The following TMPRSS15 variants were observed in gnomAD, a reference collection of about 807,000 sequenced individuals.
TMPRSS15 encodes the protein enteropeptidase.
TMPRSS15 carries 128 observed loss-of-function variants against 125.3 expected under a neutral mutation model. The ratio of observed to expected loss-of-function variants is 1.02; its 90% CI spans 0.89 to 1.18. TMPRSS15 has a LOEUF of 1.18. Among genes scored for constraint, TMPRSS15 ranks in the 50% most tolerant of loss-of-function variants. The pLI is 0.00. For synonymous variants in TMPRSS15, 446 were observed against 423.2 expected (o/e 1.05, Z -0.66); for missense variants, 1,283 against 1,212.7 (o/e 1.06, Z -0.86).
At chr21:18,367,490 TA>T (rs1394141685) in intron 6 of TMPRSS15, among the ~76,000 whole-genome samples, 1 of 151,880 alleles carries the variant, frequency 6.6e-6, no homozygotes, top group East Asian at 1.9e-4. Flanking sequence ...TCAAAGACCA[TA>T]AAAACAAAAA....
chr21:18,444,850 CT>C (rs1443357308), intron 1 of TMPRSS15, among the ~76,000 whole-genome samples: 2 of 152,128 alleles, frequency 1.3e-5, no homozygotes, highest in African/African-American at 2.4e-5. Context: ...CAGTCTCCCC[CT>C]TACCTCCTCT....
intron 12 of TMPRSS15, among the ~76,000 whole-genome samples, chr21:18,342,926 T>C (rs7276084): frequency 2.0e-4 from 30 of 152,238 alleles, no homozygotes; most frequent in African/African-American, 7.0e-4. Flanking sequence ...TAGCCTCTAT[T>C]ATGCCATATT....
chr21:18,422,285 C>T (rs2076193903), intron 1 of TMPRSS15, among the ~76,000 whole-genome samples: 1 of 151,786 alleles, frequency 6.6e-6, no homozygotes, highest in Admixed American at 6.6e-5. Flanking sequence ...CACCCCCAGC[C>T]CTGAAGGCAA....
chr21:18,285,195 A>G (rs1394447920), intron 21 of TMPRSS15, among the ~76,000 whole-genome samples: 1 of 152,132 alleles, frequency 6.6e-6, no homozygotes, highest in Non-Finnish European at 1.5e-5. Context: ...CTTTTTTCCC[A>G]TTTCCTGAGA....
intron 3 of TMPRSS15, among the ~76,000 whole-genome samples, chr21:18,397,049 T>G (rs1489943934): frequency 6.6e-6 from 1 of 152,134 alleles, no homozygotes; most frequent in African/African-American, 2.4e-5. Context: ...TCTTTAACTT[T>G]TTTTTCTTGG....
chr21:18,480,330 C>T (rs1914123017), intron 1 of TMPRSS15, among the ~76,000 whole-genome samples: 2 of 151,848 alleles, frequency 1.3e-5, no homozygotes, highest in Admixed American at 6.6e-5. Context: ...AACTAGCTCA[C>T]GTTCTCTTAG....
chr21:18,403,593 C>A lies in TMPRSS15; in HGVS notation c.30G>T (p.Arg10Ser). The change falls in exon 1 of 25, where the codon AGG becomes AGT. Residue 10 changes from arginine (R) to serine (S), a missense_variant. Coordinates refer to ENST00000284885, the MANE Select transcript of TMPRSS15 (RefSeq NM_002772.3). ...TTTCATAGGAGCTGAGAGAATGATG[C>A]CTAGAAGATATGCCTCTTTTCGACC... MGSKRGISS[R>S]HHSLSSYEIM... 1 of 1,614,066 alleles carries A rather than the reference C, an allele frequency of 6.2e-7. No homozygotes were observed. Among genetic ancestry groups the A allele is most frequent in the Non-Finnish European group, 8.5e-7 (1 of 1,179,992 alleles).
intron 15 of TMPRSS15, among the ~76,000 whole-genome samples, chr21:18,328,814 G>T (rs74732316): frequency 1.3e-5 from 2 of 152,224 alleles, no homozygotes; most frequent in East Asian, 3.9e-4. Flanking sequence ...TGCTTGAGGT[G>T]ATGGATACAG....
intron 7 of TMPRSS15, among the ~76,000 whole-genome samples, chr21:18,362,579 T>C (rs1246281443): frequency 6.6e-6 from 1 of 152,180 alleles, no homozygotes; most frequent in Non-Finnish European, 1.5e-5. Context: ...TTGGAGAACA[T>C]AATCAGATTT....
At chr21:18,272,761 GTAAA>G (rs750234179) in intron 24 of TMPRSS15, among the ~76,000 whole-genome samples, 24 of 151,944 alleles carry the variant, frequency 1.6e-4, no homozygotes, top group East Asian at 5.8e-4. Flanking sequence ...AAATACATAC[GTAAA>G]TAAATATTTT....
chr21:18,365,635 T>TCA (rs2075723810), intron 6 of TMPRSS15, among the ~76,000 whole-genome samples: 1 of 73,414 alleles, frequency 1.4e-5, no homozygotes, highest in Non-Finnish European at 2.7e-5. Flanking sequence ...TTTCTCTTTC[T>TCA]CTCTCTTTTT....
chr21:18,275,428 T>G, intron 23 of TMPRSS15, 92 bp from the exon 24 acceptor site: 3 of 1,447,530 alleles, frequency 2.1e-6, no homozygotes, highest in Non-Finnish European at 2.9e-6. Flanking sequence ...TTCCAACATT[T>G]CACTCTCATT....
chr21:18,328,984 ATTCCG>A (rs2075318769), intron 15 of TMPRSS15, among the ~76,000 whole-genome samples, 180 bp downstream of exon 15: 2 of 152,200 alleles, frequency 1.3e-5, no homozygotes, highest in Admixed American at 6.5e-5. Context: ...CAAGAAAAAT[ATTCCG>A]TTGTCACTAT....
chr21:18,463,120 C>CG (rs2123276342), intron 1 of TMPRSS15, among the ~76,000 whole-genome samples: 1 of 151,518 alleles, frequency 6.6e-6, no homozygotes, highest in Non-Finnish European at 1.5e-5. Context: ...AAGACACAGA[C>CG]GGGCAATTTG....
In TMPRSS15 at chr21:18,316,919, C is replaced by A. The variant is rs556876942; in HGVS notation, c.1922-1663G>T. ...CATGAGGGCCACTTGGAATTTGGTT[C>A]CCTAACAATGGTGATGGCTGTCAGG... is the stretch of plus-strand genomic sequence containing the variant. On this transcript the variant is annotated intron_variant, in intron 16 of 24. Transcript: ENST00000284885. 7.2e-5 allele frequency among the ~76,000 whole-genome samples: 11 copies of A among 152,142 alleles called. No homozygotes were observed. The East Asian group carries it at 2.1e-3, about 29-fold the overall frequency.
At chr21:18,356,973 C>A (rs1215204251) in intron 8 of TMPRSS15, among the ~76,000 whole-genome samples, 2 of 151,764 alleles carry the variant, frequency 1.3e-5, no homozygotes, top group African/African-American at 4.8e-5. Context: ...GGAATACCAG[C>A]TAAGCACTTG....
At chr21:18,387,123 G>A (rs550338699) in intron 3 of TMPRSS15, among the ~76,000 whole-genome samples, 1 of 152,142 alleles carries the variant, frequency 6.6e-6, no homozygotes, top group East Asian at 1.9e-4. Flanking sequence ...GAGAGATAAA[G>A]CAGAAATAAA....
rs547405094 is a variant in TMPRSS15, at chr21:18,277,867, T to C, written c.2764+1097A>G. 2.0e-5 allele frequency among the ~76,000 whole-genome samples: 3 copies of C among 152,354 alleles called. No individual in the cohort carries two copies. In the East Asian group the frequency reaches 5.8e-4, roughly 29 times the overall value. On this transcript the variant is annotated intron_variant, in intron 23 of 24. Coordinates refer to ENST00000284885, the MANE Select transcript of TMPRSS15 (RefSeq NM_002772.3). ...TATTATTTATGAGTGGTTAAAACTC[T>C]GTCCCAGCTAGGGCACTCCTATTAG... is the stretch of plus-strand genomic sequence containing the variant.
In TMPRSS15 at chr21:18,413,312, T is replaced by TTCC. The variant is rs1555911459; in HGVS notation, c.11-14984_11-14983insGGA. On this transcript the variant is annotated intron_variant, in intron 1 of 7. Coordinates refer to the TMPRSS15 transcript ENST00000422787. ...TCTTTCTTTTCTTTCTTTTCTTTCT[T>TTCC]TTCCTTCCTTCCTTCCTTCCTTCCT... Among the ~76,000 whole-genome samples, 69 of 94,798 alleles carry TTCC rather than the reference T, an allele frequency of 7.3e-4. 1 individual carries two copies. Among genetic ancestry groups the TTCC allele is most frequent in the Admixed American group, 6.9e-3 (61 of 8,808 alleles). The allele number at this position is 94,798 out of a possible 152,430, so 62.2% of individuals were successfully genotyped here.
Sources: gnomAD v4.1 joint callset for allele counts (sites outside exome capture counted in the v4.1 genomes callset) on GRCh38, gnomAD v4.1.1 for gene constraint, MANE v1.5 for transcripts, NCBI Gene and HGNC (gene_info 2026-07-23, HGNC 2026-07-21) for gene names.